The following PTPRK variants were observed in gnomAD, a reference collection of about 807,000 sequenced individuals.
The protein encoded by PTPRK is protein tyrosine phosphatase receptor type K.
Under a neutral mutation model 178.0 loss-of-function variants are expected in PTPRK, and 75 were observed. The ratio of observed to expected loss-of-function variants is 0.42; its 90% CI spans 0.35 to 0.51. The LOEUF (loss-of-function observed/expected upper bound fraction) is 0.51, where lower values mean the gene tolerates loss of function less well. PTPRK is among the 20% of genes least tolerant of loss of function. The probability of loss-of-function intolerance (pLI) is 0.02; values close to 1 mark genes in which losing one functional copy is unlikely to be tolerated. For synonymous variants in PTPRK, 637 were observed against 620.6 expected, an observed-to-expected ratio of 1.03 and a Z score of -0.39; for missense variants, 1,441 against 1,797.8, an observed-to-expected ratio of 0.80 and a Z score of 3.59.
chr6:128,369,480 C>G (rs1371859220), intron 2 of PTPRK, among the ~76,000 whole-genome samples: 1 of 151,994 alleles, frequency 6.6e-6, no homozygotes, highest in Non-Finnish European at 1.5e-5. Context: ...ACCTGGTAAA[C>G]AAAATACTGC....
intron 1 of PTPRK, among the ~76,000 whole-genome samples, chr6:128,446,617 G>A (rs1248057758): frequency 6.6e-6 from 1 of 152,200 alleles, no homozygotes; most frequent in Non-Finnish European, 1.5e-5. Flanking sequence ...CAGACAAGAA[G>A]TAATGAGAGG....
chr6:128,334,906 G>A (rs542172896), intron 2 of PTPRK, among the ~76,000 whole-genome samples: 1 of 152,076 alleles, frequency 6.6e-6, no homozygotes, highest in Non-Finnish European at 1.5e-5. Context: ...TGGCCAACAT[G>A]GTGAAACCCT....
At chr6:128,347,206 G>GTGAT (rs1210709956) in intron 2 of PTPRK, among the ~76,000 whole-genome samples, 1 of 152,136 alleles carries the variant, frequency 6.6e-6, no homozygotes, top group African/African-American at 2.4e-5. Flanking sequence ...AGAAATCTGT[G>GTGAT]TGATTCACCA....
intron 7 of PTPRK, among the ~76,000 whole-genome samples, chr6:128,109,546 T>A (rs1161113192): frequency 1.3e-5 from 2 of 152,136 alleles, no homozygotes; most frequent in Non-Finnish European, 2.9e-5. Context: ...AGTGTCAAAA[T>A]ATAATGTGAA....
At chr6:128,131,430 C>G (rs2114460901) in intron 7 of PTPRK, among the ~76,000 whole-genome samples, 1 of 152,232 alleles carries the variant, frequency 6.6e-6, no homozygotes, top group South Asian at 2.1e-4. Flanking sequence ...TAGTCTGCAT[C>G]TACTTGGGAT....
intron 6 of PTPRK, among the ~76,000 whole-genome samples, chr6:128,209,558 C>T (rs932815614): frequency 6.6e-6 from 1 of 152,136 alleles, no homozygotes; most frequent in African/African-American, 2.4e-5. Flanking sequence ...TCATTCTACA[C>T]ATTAAATTCA....
At chr6:128,057,413 T>C (rs954771899) in intron 13 of PTPRK, among the ~76,000 whole-genome samples, 1 of 152,178 alleles carries the variant, frequency 6.6e-6, no homozygotes, top group African/African-American at 2.4e-5. Flanking sequence ...GCCTAAATTG[T>C]GCAAATAATG....
At chr6:128,460,020 C>T (rs1848842742) in intron 1 of PTPRK, among the ~76,000 whole-genome samples, 1 of 152,102 alleles carries the variant, frequency 6.6e-6, no homozygotes, top group Non-Finnish European at 1.5e-5. Context: ...CTCATGAGAA[C>T]TCTACCAGGA....
intron 2 of PTPRK, among the ~76,000 whole-genome samples, chr6:128,360,427 A>G (rs1834569469): frequency 6.6e-6 from 1 of 152,218 alleles, no homozygotes; most frequent in South Asian, 2.1e-4. Flanking sequence ...CATCTCTTTG[A>G]AATTTCATCA....
intron 1 of PTPRK, among the ~76,000 whole-genome samples, chr6:128,454,457 T>C (rs1191087751): frequency 6.6e-6 from 1 of 152,246 alleles, no homozygotes; most frequent in Non-Finnish European, 1.5e-5. Context: ...CTTTTTGCTT[T>C]ATCAATACCT....
chr6:128,175,837 C>A (rs942444364), intron 7 of PTPRK, among the ~76,000 whole-genome samples: 5 of 151,758 alleles, frequency 3.3e-5, no homozygotes, highest in Non-Finnish European at 5.9e-5. Flanking sequence ...AGCAAGGGCC[C>A]TCCAAAGAAA....
intron 2 of PTPRK, among the ~76,000 whole-genome samples, chr6:128,326,589 G>A (rs1432291555): frequency 1.3e-5 from 2 of 151,964 alleles, no homozygotes; most frequent in African/African-American, 4.8e-5. Context: ...AAAATATGCA[G>A]GTTATAAAAT....
chr6:128,449,619 A>C (rs943912759), intron 1 of PTPRK, among the ~76,000 whole-genome samples: 2 of 152,142 alleles, frequency 1.3e-5, no homozygotes, highest in African/African-American at 4.8e-5. Flanking sequence ...TTTTTTCCCA[A>C]GGTGCAATTT....
chr6:128,017,985 G>A (rs997286054), intron 13 of PTPRK, among the ~76,000 whole-genome samples: 4 of 150,754 alleles, frequency 2.7e-5, no homozygotes, highest in African/African-American at 9.7e-5. Context: ...GTGGGATCAT[G>A]GGCTTTTATG....
intron 1 of PTPRK, among the ~76,000 whole-genome samples, chr6:128,476,882 T>C: frequency 6.9e-6 from 1 of 144,926 alleles, no homozygotes; most frequent in East Asian, 1.9e-4. Context: ...TCTAAACTGC[T>C]TTTCTAAAAA....
intron 6 of PTPRK, among the ~76,000 whole-genome samples, chr6:128,191,413 C>A (rs1033343146): frequency 1.3e-5 from 2 of 151,716 alleles, no homozygotes; most frequent in Non-Finnish European, 1.5e-5. Context: ...AGGGCAGGGG[C>A]AGGGCGGGGA....
chr6:128,007,868 T>C (rs1778610855), intron 14 of PTPRK, among the ~76,000 whole-genome samples: 1 of 150,978 alleles, frequency 6.6e-6, no homozygotes, highest in Non-Finnish European at 1.5e-5. Context: ...GGTCTGAAGG[T>C]TACATTTGGT....
chr6:128,132,736 A>G (rs1002292573), intron 7 of PTPRK, among the ~76,000 whole-genome samples: 1 of 152,246 alleles, frequency 6.6e-6, no homozygotes, highest in South Asian at 2.1e-4. Context: ...CCCACCATAC[A>G]CAACCTGTGT....
At chr6:128,464,050 C>T (rs997041099) in intron 1 of PTPRK, among the ~76,000 whole-genome samples, 4 of 151,962 alleles carry the variant, frequency 2.6e-5, no homozygotes, top group African/African-American at 4.8e-5. Flanking sequence ...CCACCACACC[C>T]GGCCAAACTT....
Sources: allele counts gnomAD v4.1 joint callset (sites outside exome capture counted in the v4.1 genomes callset), GRCh38; gene constraint gnomAD v4.1.1; transcripts MANE v1.5; gene names NCBI Gene and HGNC (gene_info 2026-07-23, HGNC 2026-07-21).